Variants in MPDZ observed in about 807,000 individuals in gnomAD.
The protein encoded by MPDZ is multiple PDZ domain crumbs cell polarity complex component.
Under a neutral mutation model 239.1 loss-of-function variants are expected in MPDZ, and 234 were observed. That is an observed-to-expected ratio of 0.98 (90% CI 0.88 to 1.09). The LOEUF (loss-of-function observed/expected upper bound fraction) is 1.09. MPDZ is among the 50% of genes least tolerant of loss of function. The pLI is 0.00. For synonymous variants in MPDZ, 1,048 were observed against 881.3 expected (o/e 1.19, Z -3.35); for missense variants, 3,175 against 2,510.0 (o/e 1.26, Z -5.66).
chr9:13,107,725 C>T (rs1461712191), intron 46 of MPDZ, among the ~76,000 whole-genome samples: 1 of 152,036 alleles, frequency 6.6e-6, no homozygotes, highest in Admixed American at 6.6e-5. Flanking sequence ...TCCTTATGGA[C>T]CCTAAATGAT....
intron 18 of MPDZ, 51 bp from the exon 19 acceptor site, chr9:13,183,636 T>C (rs746863032): frequency 2.6e-5 from 40 of 1,567,544 alleles, no homozygotes; most frequent in Non-Finnish European, 3.3e-5. Flanking sequence ...ATTACATATA[T>C]GACAAACAAT....
intron 34 of MPDZ, among the ~76,000 whole-genome samples, chr9:13,126,077 C>A (rs934501641): frequency 6.6e-6 from 1 of 152,122 alleles, no homozygotes; most frequent in African/African-American, 2.4e-5. Flanking sequence ...GTATTAAGAT[C>A]TCTTTTGAGG....
chr9:13,204,023 G>C (rs1182506627), intron 12 of MPDZ, among the ~76,000 whole-genome samples: 3 of 152,002 alleles, frequency 2.0e-5, no homozygotes, highest in Non-Finnish European at 4.4e-5. Context: ...TCTAACTTCT[G>C]GAATATCTCT....
intron 24 of MPDZ, among the ~76,000 whole-genome samples, chr9:13,153,835 G>A (rs1949500130): frequency 6.6e-6 from 1 of 152,014 alleles, no homozygotes; most frequent in Non-Finnish European, 1.5e-5. Flanking sequence ...AAAGAAAGAA[G>A]GAAAGAAAAT....
chr9:13,235,417 T>C (rs1963684192), intron 3 of MPDZ, among the ~76,000 whole-genome samples: 1 of 152,176 alleles, frequency 6.6e-6, no homozygotes, highest in South Asian at 2.1e-4. Context: ...GTCTTAAACA[T>C]CACTAGGTGA....
In MPDZ at chr9:13,114,134, T is replaced by G. The variant is rs1408578578; in HGVS notation, c.5467-113A>C. On this transcript the variant is annotated intron_variant, in intron 40 of 46. Coordinates refer to ENST00000319217, the MANE Select transcript of MPDZ (RefSeq NM_001378778.1). ...GATACCTGTTAAGCAACAGTGGCAT[T>G]TGATAATTTGATGAGCAATTTAAAC... 3 of 803,724 alleles carry G rather than the reference T, an allele frequency of 3.7e-6. No homozygotes were observed. The African/African-American group carries it at 5.3e-5, about 14-fold the overall frequency. 49.8% of individuals were successfully genotyped at this position (803,724 alleles called of 1,614,324 possible).
At chr9:13,148,848 C>T (rs1024109160) in intron 25 of MPDZ, among the ~76,000 whole-genome samples, 1 of 151,886 alleles carries the variant, frequency 6.6e-6, no homozygotes, top group Non-Finnish European at 1.5e-5. Flanking sequence ...CAATATGGCA[C>T]AAATCATTGC....
chr9:13,272,449 C>G (rs1973197769), intron 1 of MPDZ, among the ~76,000 whole-genome samples: 2 of 151,968 alleles, frequency 1.3e-5, no homozygotes, highest in Admixed American at 6.6e-5. Context: ...TTTTGTAAAA[C>G]AGCATAGGAT....
At chr9:13,125,517 T>A in intron 34 of MPDZ, 127 bp from the exon 35 acceptor site, 1 of 825,058 alleles carries the variant, frequency 1.2e-6, no homozygotes, top group Non-Finnish European at 1.8e-6. Flanking sequence ...ATGCAAATTA[T>A]TTCTTTGTCA....
chr9:13,232,385 G>A (rs1342549010), intron 3 of MPDZ, among the ~76,000 whole-genome samples: 3 of 152,106 alleles, frequency 2.0e-5, no homozygotes, highest in Admixed American at 2.0e-4. Flanking sequence ...ACACATATAT[G>A]ACCCCGTGAT....
chr9:13,204,910 CT>C, intron 12 of MPDZ, 125 bp downstream of exon 12: 1 of 516,374 alleles, frequency 1.9e-6, no homozygotes, highest in Non-Finnish European at 3.2e-6. Flanking sequence ...GATTTACAAA[CT>C]TCACTTTTTG....
At chr9:13,232,338 T>G (rs1962733727) in intron 3 of MPDZ, among the ~76,000 whole-genome samples, 1 of 152,144 alleles carries the variant, frequency 6.6e-6, no homozygotes, top group Non-Finnish European at 1.5e-5. Flanking sequence ...TTAAATTTGT[T>G]TAATTGGAAC....
intron 3 of MPDZ, among the ~76,000 whole-genome samples, 153 bp from the exon 4 acceptor site, chr9:13,224,736 T>G (rs1959984755): frequency 6.6e-6 from 1 of 152,130 alleles, no homozygotes; most frequent in Non-Finnish European, 1.5e-5. Flanking sequence ...ATTTCAAGGA[T>G]GAACATTAGG....
chr9:13,239,371 C>T (rs755180513), intron 3 of MPDZ, among the ~76,000 whole-genome samples: 1 of 152,142 alleles, frequency 6.6e-6, no homozygotes, highest in South Asian at 2.1e-4. Flanking sequence ...AACCCCATTT[C>T]CCTATCTATA....
chr9:13,160,865 T>TATATATATATATATATAA (rs1950396035), intron 23 of MPDZ, among the ~76,000 whole-genome samples: 1 of 129,492 alleles, frequency 7.7e-6, no homozygotes, highest in Non-Finnish European at 1.6e-5. Context: ...TATATATATA[T>TATATATATATATATATAA]ATATAAAACA....
intron 10 of MPDZ, among the ~76,000 whole-genome samples, chr9:13,208,046 T>C (rs1451370049): frequency 2.0e-5 from 3 of 152,214 alleles, no homozygotes; most frequent in African/African-American, 7.2e-5. Flanking sequence ...TGGGGCCATA[T>C]TAGGCACTCA....
At chr9:13,159,539 G>A (rs1032930936) in intron 23 of MPDZ, among the ~76,000 whole-genome samples, 5 of 152,098 alleles carry the variant, frequency 3.3e-5, no homozygotes, top group African/African-American at 1.2e-4. Flanking sequence ...AAATACAACA[G>A]GACAGAGTAT....
At chr9:13,114,542 T>C (rs939781099) in intron 40 of MPDZ, among the ~76,000 whole-genome samples, 5 of 152,212 alleles carry the variant, frequency 3.3e-5, no homozygotes, top group East Asian at 3.8e-4. Flanking sequence ...TGAGTATCTA[T>C]AGTTCACTTA....
At chr9:13,259,834 T>G (rs1222918274) in intron 1 of MPDZ, among the ~76,000 whole-genome samples, 1 of 151,958 alleles carries the variant, frequency 6.6e-6, no homozygotes, top group Admixed American at 6.6e-5. Context: ...AAGTTTAGAT[T>G]TGTTTTTTGT....
Sources: gnomAD v4.1 joint callset for allele counts (sites outside exome capture counted in the v4.1 genomes callset) on GRCh38, gnomAD v4.1.1 for gene constraint, MANE v1.5 for transcripts, NCBI Gene and HGNC (gene_info 2026-07-23, HGNC 2026-07-21) for gene names.